CNN3: variants seen among roughly 807,000 people sequenced by gnomAD.
CNN3 encodes calponin 3, also known as calponin-3.
In CNN3, 11 loss-of-function variants were observed where a neutral mutation model predicts 39.0. The ratio of observed to expected loss-of-function variants is 0.28; its 90% CI spans 0.18 to 0.47. The LOEUF (loss-of-function observed/expected upper bound fraction) is 0.47. CNN3 is among the 20% of genes least tolerant of loss of function. The pLI is 0.99. For missense variants in CNN3, 266 were observed against 403.4 expected (o/e 0.66, Z 2.92); for synonymous variants, 101 against 138.3 (o/e 0.73, Z 1.89).
intron 6 of CNN3, 30 bp downstream of exon 6, chr1:94,899,341 C>A (rs1243018037): frequency 1.2e-6 from 2 of 1,605,566 alleles, no homozygotes; most frequent in South Asian, 2.2e-5. Flanking sequence ...TAAGTGTACT[C>A]TTGTACACGT....
intron 5 of CNN3, 35 bp downstream of exon 5, chr1:94,901,634 A>G (rs1222298425): frequency 1.2e-5 from 16 of 1,385,912 alleles, no homozygotes; most frequent in East Asian, 6.9e-5. Flanking sequence ...ATCATATTGA[A>G]TAAGTAATTG....
chr1:94,925,875 T>G, intron 1 of CNN3: 2 of 952,882 alleles, frequency 2.1e-6, no homozygotes, highest in Non-Finnish European at 2.5e-6. Flanking sequence ...GGCTGGTCTC[T>G]CCCCCCAGAA....
intron 1 of CNN3, among the ~76,000 whole-genome samples, chr1:94,922,462 T>C (rs1423531808): frequency 6.6e-6 from 1 of 152,214 alleles, no homozygotes; most frequent in Non-Finnish European, 1.5e-5. Context: ...TTGTAAAATA[T>C]CGATCTTGAG....
intron 1 of CNN3, among the ~76,000 whole-genome samples, chr1:94,925,005 T>A (rs57476802): frequency 0.038 from 5,814 of 152,340 alleles, 236 homozygotes; most frequent in African/African-American, 0.097. Context: ...TTACCGTTTT[T>A]AAATATTTAC....
chr1:94,916,250 C>A (rs1671277239), intron 1 of CNN3, among the ~76,000 whole-genome samples: 1 of 152,056 alleles, frequency 6.6e-6, no homozygotes, highest in Non-Finnish European at 1.5e-5. Flanking sequence ...ACGAAAAATA[C>A]AAAAAATTAG....
chr1:94,927,089 C>T lies in CNN3; in HGVS notation c.-195G>A. 1 of 529,590 alleles carries T rather than the reference C, an allele frequency of 1.9e-6. No individual in the cohort carries two copies. Among genetic ancestry groups the T allele is most frequent in the Non-Finnish European group, 3.3e-6 (1 of 305,982 alleles). The allele number at this position is 529,590 out of a possible 1,614,324, so 32.8% of individuals were successfully genotyped here. A position where few individuals can be genotyped will look rare whatever the true frequency, so the allele number is the denominator to read the frequency against. ...CAACTGGGTGCTACAGAGCCTCGAG[C>T]TCCGCTGCGAAGCACCCGGCTGCCT... is the stretch of plus-strand genomic sequence containing the variant. On this transcript the variant is annotated 5_prime_UTR_variant, in exon 1 of 7. Transcript: ENST00000370206.
chr1:94,903,671 A>ATT (rs1285388975), intron 1 of CNN3, 147 bp from the exon 2 acceptor site: 4 of 1,053,984 alleles, frequency 3.8e-6, no homozygotes, highest in East Asian at 5.6e-5. Flanking sequence ...TGGCAAACTT[A>ATT]ACCGTTACAA....
chr1:94,926,809 GC>G lies in CNN3; in HGVS notation c.57+28del. 1.2e-6 allele frequency: 2 copies of G among 1,603,920 alleles called. No homozygotes were observed. The highest frequency in any genetic ancestry group is 1.7e-6 in the Non-Finnish European group (2 of 1,175,096). ...AGGCCAGCCCAAGGGTGCCCCGGGG[GC>G]CCCCGCGCCCGCCCGAGCCAGGCGT... On this transcript the variant is annotated intron_variant, in intron 1 of 6. Coordinates refer to ENST00000370206, the MANE Select transcript of CNN3 (RefSeq NM_001839.5). This position sits in a 1 kb window ranked among gnomAD's most constrained non-coding sequence, Gnocchi z 4.2.
At chr1:94,899,601 AAGAC>A in intron 5 of CNN3, 84 bp from the exon 6 acceptor site, 1 of 1,428,868 alleles carries the variant, frequency 7.0e-7, no homozygotes, top group Non-Finnish European at 9.5e-7. Context: ...TGCTACCAAA[AAGAC>A]AGAAGGGGCA....
rs12730039 is a variant in CNN3 at position 94,917,502 on chromosome 1, C to G, written c.57+9336G>C. Among the ~76,000 whole-genome samples, 258 of 152,204 alleles carry G rather than the reference C, an allele frequency of 1.7e-3. 5 individuals are homozygous for G. Among genetic ancestry groups the G allele is most frequent in the Admixed American group, 0.014 (210 of 15,286 alleles). On this transcript the variant is annotated intron_variant, in intron 1 of 6. Transcript: ENST00000370206. ...GTAATAAAGAAACTAAAACAAGTTA[C>G]TTTTTTCTTTTTTTAACATCAAAAG...
At chr1:94,903,915 A>G (rs1216456564) in intron 1 of CNN3, among the ~76,000 whole-genome samples, 3 of 152,188 alleles carry the variant, frequency 2.0e-5, no homozygotes, top group Non-Finnish European at 2.9e-5. Context: ...ATTCTGACAC[A>G]TGCAGTTATT....
At chr1:94,921,349 C>T (rs114374960) in intron 1 of CNN3, among the ~76,000 whole-genome samples, 3,178 of 152,068 alleles carry the variant, frequency 0.021, 123 homozygotes, top group Non-Finnish European at 0.019. Flanking sequence ...GAGCCGAGAT[C>T]GTACGACCTC....
intron 1 of CNN3, among the ~76,000 whole-genome samples, chr1:94,908,505 T>G (rs1557911171): frequency 6.6e-6 from 1 of 152,224 alleles, no homozygotes; most frequent in Non-Finnish European, 1.5e-5. Context: ...CCTCACTTTC[T>G]TTTGTAATTC....
At chr1:94,916,891 C>T (rs993398871) in intron 1 of CNN3, among the ~76,000 whole-genome samples, 5 of 152,178 alleles carry the variant, frequency 3.3e-5, no homozygotes, top group African/African-American at 1.2e-4. Flanking sequence ...TCCATCTATG[C>T]TTTGCTGGCC....
At chr1:94,909,213 G>A (rs151002318) in intron 1 of CNN3, among the ~76,000 whole-genome samples, 4 of 152,198 alleles carry the variant, frequency 2.6e-5, no homozygotes, top group South Asian at 2.1e-4. Flanking sequence ...CAGGGGTGGT[G>A]GTGTCCCAAA....
intron 1 of CNN3, among the ~76,000 whole-genome samples, chr1:94,914,908 C>T (rs931172101): frequency 2.5e-4 from 37 of 150,902 alleles, no homozygotes; most frequent in African/African-American, 9.0e-4. Flanking sequence ...TTTTTCAAGA[C>T]AGTCTTGCTC....
chr1:94,916,880 T>C (rs1671299187), intron 1 of CNN3, among the ~76,000 whole-genome samples: 1 of 152,240 alleles, frequency 6.6e-6, no homozygotes, highest in Admixed American at 6.5e-5. Flanking sequence ...ACACTTATCC[T>C]TCCATCTATG....
Position 94,897,919 on chromosome 1 carries a change from T to A in CNN3, c.813A>T (p.Lys271Asn). 6.2e-7 allele frequency: 1 copy of A among 1,614,104 alleles called. No individual in the cohort carries two copies. Among genetic ancestry groups the A allele is most frequent in the East Asian group, 2.2e-5 (1 of 44,876 alleles). The change falls in exon 7 of 7, where the codon AAA (lysine) becomes AAT (asparagine). Residue 271 changes from lysine (K) to asparagine (N), a missense_variant. Lys to Asn is a moderately conservative substitution (Grantham distance 94). Coordinates refer to ENST00000370206, the MANE Select transcript of CNN3 (RefSeq NM_001839.5). The part of the protein sequence containing the change: ...YGLGRQVYDP[K>N]YCAAPTEPVI... ...CAGGTTCTGTAGGAGCAGCACAGTATTTGGGATCATATACTTGCCGCCCAA... is the reference window on the plus strand; with the variant it reads ...CAGGTTCTGTAGGAGCAGCACAGTAATTGGGATCATATACTTGCCGCCCAA...
At position 94,903,384 on chromosome 1, in the gene CNN3, C is replaced by A; in HGVS notation, c.179+19G>T. 6.4e-7 allele frequency: 1 copy of A among 1,565,478 alleles called. No homozygotes were observed. Among genetic ancestry groups the A allele is most frequent in the Non-Finnish European group, 8.6e-7 (1 of 1,158,496 alleles). The stretch of plus-strand genomic sequence containing the variant: ...AGAACTGGAAGAGCAGAAACAGATT[C>A]TGGAGGGCTGTAACTCACTCGCAGA... On this transcript the variant is annotated intron_variant, in intron 2 of 6. Coordinates refer to ENST00000370206, the MANE Select transcript of CNN3 (RefSeq NM_001839.5).
Sources: gnomAD v4.1 joint callset for allele counts (sites outside exome capture counted in the v4.1 genomes callset) on GRCh38, gnomAD v4.1.1 for gene constraint, Gnocchi (gnomAD v3.1) non-coding constraint, MANE v1.5 for transcripts, NCBI Gene and HGNC (gene_info 2026-07-23, HGNC 2026-07-21) for gene names.